Variants in PCDHGB2 observed in about 807,000 individuals in gnomAD.
The protein encoded by PCDHGB2 is protocadherin gamma subfamily B, 2.
In PCDHGB2, 55 loss-of-function variants were observed where a neutral mutation model predicts 59.3. That is an observed-to-expected ratio of 0.93 (90% CI 0.75 to 1.16). PCDHGB2 has a LOEUF of 1.16. Among genes scored for constraint, PCDHGB2 ranks in the 50% most tolerant of loss-of-function variants. PCDHGB2 has a pLI of 0.00. For missense variants in PCDHGB2, 1,228 were observed against 1,198.5 expected (o/e 1.02, Z -0.36); for synonymous variants, 516 against 512.0 (o/e 1.01, Z -0.11).
chr5:141,413,921 C>G, intron 1 of PCDHGB2: 2 of 1,613,360 alleles, frequency 1.2e-6, no homozygotes, highest in Middle Eastern at 1.6e-4. Flanking sequence ...TTCACCTTGC[C>G]AGAATACCGA....
At chr5:141,409,125 A>AT in intron 1 of PCDHGB2, 1 of 1,613,982 alleles carries the variant, frequency 6.2e-7, no homozygotes, top group African/African-American at 1.3e-5. Flanking sequence ...CAGTCATTTG[A>AT]TTTTGAAGAT....
At chr5:141,472,617 A>G (rs1024856184) in intron 1 of PCDHGB2, among the ~76,000 whole-genome samples, 3 of 152,138 alleles carry the variant, frequency 2.0e-5, no homozygotes, top group African/African-American at 7.2e-5. Flanking sequence ...CAAAGAAGAA[A>G]AAAGATAAAG....
chr5:141,472,095 C>T (rs1186697747), intron 1 of PCDHGB2, among the ~76,000 whole-genome samples: 1 of 151,998 alleles, frequency 6.6e-6, no homozygotes, highest in African/African-American at 2.4e-5. Flanking sequence ...TATTATTATT[C>T]CCATTTTATA....
intron 1 of PCDHGB2, among the ~76,000 whole-genome samples, chr5:141,492,226 C>T (rs1365682179): frequency 6.6e-6 from 1 of 152,178 alleles, no homozygotes; most frequent in Non-Finnish European, 1.5e-5. Flanking sequence ...CATGCGTGTC[C>T]TCCCTGCTGG....
intron 1 of PCDHGB2, chr5:141,371,894 G>C (rs1346040727): frequency 2.5e-6 from 4 of 1,613,426 alleles, no homozygotes; most frequent in Non-Finnish European, 3.4e-6. Flanking sequence ...AGCCGCGGGA[G>C]CTGTCGTCCT....
Position 141,485,281 on chromosome 5 carries a change from A to G in PCDHGB2, c.2422-9526A>G. 4 of 1,614,156 alleles carry G rather than the reference A, an allele frequency of 2.5e-6. No individual in the cohort carries two copies. In the South Asian group the frequency reaches 3.3e-5, roughly 13 times the overall value. Reference sequence around the variant, plus strand: ...GTGGGCAGATCCGCTACCCGGTCCCAGAGGAGTCACAGGAAGGGACTTTTG... The same window carrying G: ...GTGGGCAGATCCGCTACCCGGTCCCGGAGGAGTCACAGGAAGGGACTTTTG... On this transcript the variant is annotated intron_variant, in intron 1 of 3. Coordinates refer to ENST00000522605, the MANE Select transcript of PCDHGB2 (RefSeq NM_018923.3). The surrounding 1 kb of genome is among the most constrained non-coding windows in gnomAD (Gnocchi z 5.7).
At chr5:141,375,224 C>T in intron 1 of PCDHGB2, 1 of 1,613,976 alleles carries the variant, frequency 6.2e-7, no homozygotes, top group South Asian at 1.1e-5. Context: ...CCTGAATGGC[C>T]TGGTAACCTG....
intron 2 of PCDHGB2, among the ~76,000 whole-genome samples, chr5:141,497,880 T>C (rs2099780200): frequency 6.6e-6 from 1 of 152,170 alleles, no homozygotes; most frequent in Non-Finnish European, 1.5e-5. Context: ...GAAATAAGCG[T>C]TAGGATCTAG....
At position 141,360,658 on chromosome 5, in the gene PCDHGB2, A is replaced by G; in HGVS notation, c.523A>G (p.Asn175Asp). Reference protein sequence around the residue: ...NSLQRYHLNDNEYFDLAEKQT... With the variant: ...NSLQRYHLNDDEYFDLAEKQT... ...ACTACAAAGATACCACCTTAATGAC[A>G]ACGAGTACTTTGATCTCGCTGAGAA... The change falls in exon 1 of 4, where the codon AAC becomes GAC. Residue 175 changes from asparagine to aspartate, a missense_variant. By Grantham distance (23) the Asn-to-Asp change is conservative. Around this residue, in one of 3 missense-constraint regions of PCDHGB2, gnomAD observed 781 missense variants for 721.6 expected, o/e 1.08. Coordinates refer to ENST00000522605, the MANE Select transcript of PCDHGB2 (RefSeq NM_018923.3). 1 of 1,613,590 alleles carries G rather than the reference A, an allele frequency of 6.2e-7. No homozygotes were observed. The highest frequency in any genetic ancestry group is 1.1e-5 in the South Asian group (1 of 91,056).
chr5:141,403,069 A>T (rs747569947), intron 1 of PCDHGB2: 10 of 1,613,954 alleles, frequency 6.2e-6, no homozygotes, highest in Non-Finnish European at 7.6e-6. Context: ...CTGAAGAGAC[A>T]GAAAAGGGCT....
intron 1 of PCDHGB2, chr5:141,422,116 T>G (rs753281558): frequency 1.2e-6 from 2 of 1,604,612 alleles, no homozygotes; most frequent in African/African-American, 1.3e-5. Flanking sequence ...CCAATTGGAT[T>G]CACAAACTGG....
intron 1 of PCDHGB2, chr5:141,383,820 A>C: frequency 6.2e-7 from 1 of 1,613,924 alleles, no homozygotes; most frequent in Non-Finnish European, 8.5e-7. Flanking sequence ...TAGAAGGATT[A>C]GATTATGAAG....
chr5:141,381,702 C>CT (rs1561588740), intron 1 of PCDHGB2, among the ~76,000 whole-genome samples: 1 of 151,968 alleles, frequency 6.6e-6, no homozygotes, highest in Admixed American at 6.6e-5. Flanking sequence ...CGATTTCTTT[C>CT]TTTTTTTCTC....
intron 1 of PCDHGB2, chr5:141,426,906 C>T (rs2096969568): frequency 4.4e-6 from 2 of 456,654 alleles, no homozygotes; most frequent in Admixed American, 2.3e-5. Context: ...CTCTCATCTC[C>T]TGGTCCTGGA....
In PCDHGB2 at chr5:141,431,202, C is replaced by T. The variant is rs2097350864; in HGVS notation, c.2422-63605C>T. The stretch of plus-strand genomic sequence containing the variant: ...ATAAAAATTAGTGAAAATGCAGCCA[C>T]TGAGATGCGGTTCCCTCTACCCCAC... On this transcript the variant is annotated intron_variant, in intron 1 of 3. Coordinates refer to ENST00000522605, the MANE Select transcript of PCDHGB2 (RefSeq NM_018923.3). The surrounding 1 kb of genome is among the most constrained non-coding windows in gnomAD (Gnocchi z 4.8). 6.2e-7 allele frequency: 1 copy of T among 1,614,204 alleles called. No individual in the cohort carries two copies. Among genetic ancestry groups the T allele is most frequent in the Non-Finnish European group, 8.5e-7 (1 of 1,180,052 alleles).
intron 1 of PCDHGB2, among the ~76,000 whole-genome samples, chr5:141,463,844 G>A (rs545618795): frequency 1.3e-5 from 2 of 152,258 alleles, no homozygotes; most frequent in East Asian, 3.9e-4. Context: ...AGTTGTTATA[G>A]TGGTATATCT....
In PCDHGB2 at chr5:141,476,501, A is replaced by G; in HGVS notation, c.2422-18306A>G. 1.2e-6 allele frequency: 2 copies of G among 1,614,026 alleles called. No homozygotes were observed. Among genetic ancestry groups the G allele is most frequent in the Non-Finnish European group, 1.7e-6 (2 of 1,180,006 alleles). On this transcript the variant is annotated intron_variant, in intron 1 of 3. Coordinates refer to ENST00000522605, the MANE Select transcript of PCDHGB2 (RefSeq NM_018923.3). The surrounding 1 kb of genome is among the most constrained non-coding windows in gnomAD (Gnocchi z 7.6). ...CGTGGAAGTGGTGATCCAGGACATCAACGACAACAATCCTGCTTTCCCTAC... is the reference window on the plus strand; with the variant it reads ...CGTGGAAGTGGTGATCCAGGACATCGACGACAACAATCCTGCTTTCCCTAC...
rs201006002 is a variant in PCDHGB2, at chr5:141,432,497, C to T, written c.2422-62310C>T. 7 of 1,614,062 alleles carry T rather than the reference C, an allele frequency of 4.3e-6. 1 individual carries two copies. In the South Asian group the frequency reaches 6.6e-5, roughly 15 times the overall value. On this transcript the variant is annotated intron_variant, in intron 1 of 3. Transcript: ENST00000522605. This position sits in a 1 kb window ranked among gnomAD's most constrained non-coding sequence, Gnocchi z 6.0. Reference sequence around the variant, plus strand: ...TTCCACTGGCGTGGAGCTGGCTCCCCGCTCCGCAGAGCCCGGCTACCTGGT... The same window carrying T: ...TTCCACTGGCGTGGAGCTGGCTCCCTGCTCCGCAGAGCCCGGCTACCTGGT...
intron 1 of PCDHGB2, chr5:141,422,162 A>T: frequency 6.4e-7 from 1 of 1,571,230 alleles, no homozygotes; most frequent in Non-Finnish European, 8.6e-7. Context: ...GATTTTGAAA[A>T]ATATAGATTC....
Sources: allele counts gnomAD v4.1 joint callset (sites outside exome capture counted in the v4.1 genomes callset), GRCh38; gene constraint gnomAD v4.1.1; regional missense constraint gnomAD v4.1.1; non-coding constraint Gnocchi (gnomAD v3.1); transcripts MANE v1.5; gene names NCBI Gene and HGNC (gene_info 2026-07-23, HGNC 2026-07-21).